KATNAL2: variants seen among roughly 807,000 people sequenced by gnomAD.
The protein encoded by KATNAL2 is katanin p60 ATPase-containing subunit A-like 2.
In KATNAL2, 52 loss-of-function variants were observed where a neutral mutation model predicts 76.3. The ratio of observed to expected loss-of-function variants is 0.68; its 90% confidence interval spans 0.55 to 0.86. KATNAL2 has a LOEUF of 0.86. Ranked by LOEUF, KATNAL2 falls within the 40% of genes least tolerant of loss-of-function variation. The pLI is 0.00. For synonymous variants in KATNAL2, 243 were observed against 244.2 expected (o/e 1.00, Z 0.05); for missense variants, 660 against 668.9 (o/e 0.99, Z 0.15).
intron 17 of KATNAL2, among the ~76,000 whole-genome samples, 195 bp from the exon 18 acceptor site, chr18:47,100,671 T>C (rs536795069): frequency 6.6e-6 from 1 of 152,334 alleles, no homozygotes; most frequent in African/African-American, 2.4e-5. Flanking sequence ...CATTTTTTTG[T>C]CTGGGCCTTA....
rs1470909671 is a variant in KATNAL2 at position 46,946,092 on chromosome 18, GAGAAATGGATGAAGA to G, written c.-455_-441del. 1.5e-4 allele frequency: 78 copies of G among 517,572 alleles called. 1 individual carries two copies. Among genetic ancestry groups the G allele is most frequent in the East Asian group, 3.0e-4 (2 of 6,730 alleles). The allele number at this position is 517,572 out of a possible 1,614,324, so 32.1% of individuals were successfully genotyped here. A position where few individuals can be genotyped will look rare whatever the true frequency, so the allele number is the denominator to read the frequency against. On this transcript the variant is annotated 5_prime_UTR_variant, in exon 2 of 18. It removes an upstream start codon present in the reference 5' UTR. Transcript: ENST00000683218. ...CTTGAATATTTTTGTATCCTGAAGG[GAGAAATGGATGAAGA>G]AGAAATGGATGAAGAAGACCGAAGA... is the stretch of plus-strand genomic sequence containing the variant.
chr18:46,929,219 C>T (rs1016124854), intron 1 of KATNAL2, among the ~76,000 whole-genome samples: 1 of 151,380 alleles, frequency 6.6e-6, no homozygotes, highest in Non-Finnish European at 1.5e-5. Flanking sequence ...TTGAGGTTGA[C>T]ATGTTGCATA....
chr18:46,946,237 GA>G lies in KATNAL2; in HGVS notation c.-325del, dbSNP rs1303739283. On this transcript the variant is annotated 5_prime_UTR_variant, in exon 2 of 18. The change creates a premature stop within an existing upstream ORF in the 5' untranslated region. Coordinates refer to ENST00000683218, the MANE Select transcript of KATNAL2 (RefSeq NM_001387690.1). ...AACACATGAAAAAAATAGAGCAGAG[GA>G]AAACACGTCCATGTTTTTCCACGTC... 6.4e-6 allele frequency: 7 copies of G among 1,096,560 alleles called. No individual in the cohort carries two copies. Among genetic ancestry groups the G allele is most frequent in the East Asian group, 9.0e-5 (1 of 11,172 alleles). The allele number at this position is 1,096,560 out of a possible 1,614,324, so 67.9% of individuals were successfully genotyped here.
In KATNAL2 at chr18:47,100,938, C is replaced by T. The variant is rs368536913; in HGVS notation, c.1550C>T (p.Thr517Ile). The change falls in exon 18 of 18, where the codon ACC (threonine) becomes ATC (isoleucine). Residue 517 changes from threonine to isoleucine, a missense_variant. Thr to Ile is a moderately conservative substitution (Grantham distance 89). Coordinates refer to ENST00000683218, the MANE Select transcript of KATNAL2 (RefSeq NM_001387690.1). ...GACTTTCTGGATGTGCTAACTCACA[C>T]CAAGCCCTCCGCAAAGAATCTGGCT... ...TADFLDVLTHTKPSAKNLAQR... is the reference protein window; with the variant it reads ...TADFLDVLTHIKPSAKNLAQR... 2.5e-6 allele frequency: 4 copies of T among 1,613,982 alleles called. No individual in the cohort carries two copies. The African/African-American group carries it at 4.0e-5, about 16-fold the overall frequency.
At chr18:46,941,547 A>G (rs1806393415) in intron 1 of KATNAL2, among the ~76,000 whole-genome samples, 1 of 152,196 alleles carries the variant, frequency 6.6e-6, no homozygotes, top group South Asian at 2.1e-4. Flanking sequence ...AAGTGCCTTG[A>G]GAAACAAATG....
At chr18:47,033,152 G>T in intron 3 of KATNAL2, 1 of 1,614,050 alleles carries the variant, frequency 6.2e-7, no homozygotes, top group Non-Finnish European at 8.5e-7. Context: ...TTCTCAGGGA[G>T]CCAGCGAAGG....
At chr18:47,077,808 G>C (rs2062309933) in intron 15 of KATNAL2, among the ~76,000 whole-genome samples, 1 of 152,146 alleles carries the variant, frequency 6.6e-6, no homozygotes, top group South Asian at 2.1e-4. Context: ...GAAATAATAT[G>C]TTTGAATTTT....
Position 47,077,401 on chromosome 18 carries a change from TG to T in KATNAL2, c.1153del (p.Asp385MetfsTer13). The T allele has an allele frequency of 6.2e-7, 1 of 1,614,012 alleles. No individual in the cohort carries two copies. Among genetic ancestry groups the T allele is most frequent in the Non-Finnish European group, 8.5e-7 (1 of 1,179,942 alleles). The stretch of plus-strand genomic sequence containing the variant: ...ATGAAGACAGAGTTACTGGTGCAGA[TG>T]GATGGGCTGGCACGCTCAGAAGATC... ...LRMKTELLVQ[M>X]DGLARSEDLV... On this transcript the variant is annotated frameshift_variant, in exon 15 of 18. Transcript: ENST00000683218. LOFTEE classifies it high-confidence loss of function.
chr18:46,948,141 T>C (rs2059435342), intron 3 of KATNAL2, among the ~76,000 whole-genome samples: 1 of 152,138 alleles, frequency 6.6e-6, no homozygotes, highest in Non-Finnish European at 1.5e-5. Flanking sequence ...GACAGAGTCT[T>C]GCTCTGTCGC....
At chr18:46,926,995 G>C (rs1275978143) in intron 1 of KATNAL2, among the ~76,000 whole-genome samples, 2 of 152,130 alleles carry the variant, frequency 1.3e-5, no homozygotes, top group African/African-American at 2.4e-5. Flanking sequence ...TGTGAGATGG[G>C]TTTCCTGAAT....
chr18:46,957,854 G>A (rs528785673), intron 3 of KATNAL2, among the ~76,000 whole-genome samples: 2 of 151,954 alleles, frequency 1.3e-5, no homozygotes, highest in East Asian at 3.9e-4. Flanking sequence ...GAGCCACCGC[G>A]CCCAGCCTAA....
At chr18:47,081,644 A>C (rs1032638499) in intron 15 of KATNAL2, among the ~76,000 whole-genome samples, 1 of 152,132 alleles carries the variant, frequency 6.6e-6, no homozygotes, top group African/African-American at 2.4e-5. Context: ...TTGCCTCCCA[A>C]CATTTATTTC....
chr18:47,068,943 A>C (rs2061902782), intron 11 of KATNAL2, among the ~76,000 whole-genome samples: 1 of 152,244 alleles, frequency 6.6e-6, no homozygotes, highest in Non-Finnish European at 1.5e-5. Flanking sequence ...TGTTTAACGG[A>C]GAGGAAGAAA....
chr18:47,084,185 G>A (rs1004809421), intron 15 of KATNAL2: 1 of 555,824 alleles, frequency 1.8e-6, no homozygotes, highest in Non-Finnish European at 3.2e-6. Flanking sequence ...AACCCGCCGG[G>A]GCAACTGCTA....
At chr18:47,085,783 C>T (rs969517554) in intron 15 of KATNAL2, among the ~76,000 whole-genome samples, 1 of 151,754 alleles carries the variant, frequency 6.6e-6, no homozygotes, top group Non-Finnish European at 1.5e-5. Flanking sequence ...TTTTTTATTG[C>T]AAATAAATAA....
intron 3 of KATNAL2, among the ~76,000 whole-genome samples, chr18:46,955,140 C>CCCTCTTTCTTTCTTTCTT (rs2059691231): frequency 1.2e-5 from 1 of 85,020 alleles, no homozygotes; most frequent in Non-Finnish European, 2.3e-5. Flanking sequence ...CTTTCTCTCT[C>CCCTCTTTCTTTCTTTCTT]TCTTTCTTTC....
chr18:47,046,901 C>T (rs1456518558), intron 4 of KATNAL2, among the ~76,000 whole-genome samples: 3 of 152,162 alleles, frequency 2.0e-5, no homozygotes, highest in African/African-American at 7.2e-5. Flanking sequence ...ATCCCCTGTG[C>T]ACCACCGATT....
chr18:47,034,088 G>T lies in KATNAL2; in HGVS notation c.52-12369G>T. 1 of 1,614,200 alleles carries T rather than the reference G, an allele frequency of 6.2e-7. No individual in the cohort carries two copies. The highest frequency in any genetic ancestry group is 8.5e-7 in the Non-Finnish European group (1 of 1,180,046). ...TTTCCAGTCTTTTTCTTTTGCTTCC[G>T]CAACTGATCGTAGGTGAGGTATTTT... is the stretch of plus-strand genomic sequence containing the variant. On this transcript the variant is annotated intron_variant, in intron 3 of 17. Coordinates refer to ENST00000683218, the MANE Select transcript of KATNAL2 (RefSeq NM_001387690.1).
At chr18:46,934,495 G>T (rs935723824) in intron 1 of KATNAL2, among the ~76,000 whole-genome samples, 24 of 152,180 alleles carry the variant, frequency 1.6e-4, no homozygotes, top group African/African-American at 5.8e-4. Flanking sequence ...TGATGGGGTT[G>T]TTTGCTTTTT....
Sources: allele counts gnomAD v4.1 joint callset (sites outside exome capture counted in the v4.1 genomes callset), GRCh38; gene constraint gnomAD v4.1.1; transcripts MANE v1.5; gene names NCBI Gene and HGNC (gene_info 2026-07-23, HGNC 2026-07-21).